Variants in ZC3H12B observed in about 807,000 individuals in gnomAD.
ZC3H12B encodes probable ribonuclease ZC3H12B.
A neutral mutation model predicts 43.9 loss-of-function variants in ZC3H12B; 7 were observed. The observed-to-expected ratio is 0.16, with a 90% confidence interval of 0.09 to 0.30. The LOEUF (loss-of-function observed/expected upper bound fraction) is 0.30, where lower values mean the gene tolerates loss of function less well. Ranked by LOEUF, ZC3H12B falls within the 10% of genes least tolerant of loss-of-function variation. ZC3H12B has a pLI of 1.00. For missense variants in ZC3H12B, 475 were observed against 670.2 expected (o/e 0.71, Z 3.22); for synonymous variants, 222 against 241.7 (o/e 0.92, Z 0.76).
At chrX:65,424,906 C>A (rs954294844) in intron 3 of ZC3H12B, among the ~76,000 whole-genome samples, 2 of 111,320 alleles carry the variant, frequency 1.8e-5, no homozygotes, top group Non-Finnish European at 3.8e-5. Context: ...TGTGATGACC[C>A]CAGCTTTGTT....
the ZC3H12B span, among the ~76,000 whole-genome samples, chrX:65,251,372 G>T: frequency 9.0e-6 from 1 of 111,611 alleles, no homozygotes; most frequent in South Asian, 3.7e-4. Flanking sequence ...CAGGTAGCGT[G>T]ATGCCTCCAG....
chrX:65,368,699 T>G (rs951791343), intron 1 of ZC3H12B, 130 bp from the exon 4 acceptor site: 1 of 112,102 alleles, frequency 8.9e-6, no homozygotes, highest in Non-Finnish European at 1.9e-5. Flanking sequence ...TCTCAGCCTT[T>G]GAGATCCAAA....
the ZC3H12B span, among the ~76,000 whole-genome samples, chrX:65,351,261 C>A: frequency 5.4e-5 from 6 of 111,672 alleles, no homozygotes; most frequent in African/African-American, 2.0e-4. Flanking sequence ...GGAAAACTGG[C>A]TAGCCATATG....
At chrX:65,193,387 T>C in the ZC3H12B span, among the ~76,000 whole-genome samples, 1 of 111,795 alleles carries the variant, frequency 8.9e-6, no homozygotes, top group Admixed American at 9.5e-5. Context: ...TGTCTAGGAA[T>C]TTATCCCTTG....
chrX:65,232,354 G>A, the ZC3H12B span, among the ~76,000 whole-genome samples: 2 of 111,690 alleles, frequency 1.8e-5, no homozygotes, highest in Non-Finnish European at 3.8e-5. Context: ...CTTCTGCCAT[G>A]GCTTCAGCTG....
the ZC3H12B span, among the ~76,000 whole-genome samples, chrX:65,062,859 T>TACA: frequency 2.7e-5 from 3 of 112,044 alleles, no homozygotes; most frequent in Non-Finnish European, 5.6e-5. Context: ...GTAGTTCTCC[T>TACA]TGAAGAAGTC....
At chrX:65,331,165 G>T in the ZC3H12B span, 1 of 230,598 alleles carries the variant, frequency 4.3e-6, no homozygotes, top group Non-Finnish European at 8.5e-6. Flanking sequence ...CATAAAAAAG[G>T]GGTCCAAGAG....
the ZC3H12B span, among the ~76,000 whole-genome samples, chrX:65,113,995 A>G: frequency 1.9e-3 from 56 of 29,162 alleles, 1 homozygote; most frequent in African/African-American, 0.011. Flanking sequence ...GTATATATAT[A>G]TATATATATA....
chrX:65,451,680 T>G (rs896383760), intron 3 of ZC3H12B, among the ~76,000 whole-genome samples: 1 of 111,745 alleles, frequency 8.9e-6, no homozygotes, highest in Non-Finnish European at 1.9e-5. Context: ...AGCTACCTCT[T>G]CTAGTCTTTA....
At chrX:65,101,185 A>T in the ZC3H12B span, among the ~76,000 whole-genome samples, 1 of 112,000 alleles carries the variant, frequency 8.9e-6, no homozygotes, top group South Asian at 3.7e-4. Flanking sequence ...TAAAGATGTT[A>T]TTTGAAGCCA....
At chrX:65,186,523 C>T in the ZC3H12B span, 1 of 105,320 alleles carries the variant, frequency 9.5e-6, no homozygotes, top group East Asian at 3.0e-4. Flanking sequence ...AGGAAAATAG[C>T]TTATATTTCT....
At chrX:65,155,868 A>C in the ZC3H12B span, among the ~76,000 whole-genome samples, 1 of 110,392 alleles carries the variant, frequency 9.1e-6, no homozygotes, top group Non-Finnish European at 1.9e-5. Context: ...AAAAAAAAAA[A>C]AGTTGGAAAT....
intron 2 of ZC3H12B, among the ~76,000 whole-genome samples, chrX:65,394,295 G>T (rs2066666384): frequency 8.9e-6 from 1 of 111,908 alleles, no homozygotes; most frequent in African/African-American, 3.2e-5. Flanking sequence ...GTCTTGAATG[G>T]TATTGCCTAG....
At chrX:65,460,410 A>C (rs1483494082) in intron 3 of ZC3H12B, among the ~76,000 whole-genome samples, 3 of 112,195 alleles carry the variant, frequency 2.7e-5, no homozygotes, top group African/African-American at 9.7e-5. Context: ...AGTGAATCCT[A>C]AACCAAAAGA....
the ZC3H12B span, among the ~76,000 whole-genome samples, chrX:65,140,721 A>AT: frequency 8.9e-6 from 1 of 111,749 alleles, no homozygotes. Context: ...TGATTGGATA[A>AT]TTTTTATTAG....
At chrX:65,357,151 G>A in the ZC3H12B span, 1 of 464,682 alleles carries the variant, frequency 2.2e-6, no homozygotes, top group Admixed American at 2.8e-5. Flanking sequence ...CTGTCCTGAG[G>A]AGGCCATTTC....
At chrX:65,404,646 G>A (rs895421444) in intron 3 of ZC3H12B, among the ~76,000 whole-genome samples, 1 of 111,503 alleles carries the variant, frequency 9.0e-6, no homozygotes, top group South Asian at 3.7e-4. Context: ...AATTCAGTAA[G>A]AGGATATATC....
chrX:65,069,571 C>T, the ZC3H12B span, among the ~76,000 whole-genome samples: 1 of 111,310 alleles, frequency 9.0e-6, no homozygotes, highest in African/African-American at 3.3e-5. Context: ...CTTTGAGTTT[C>T]CTCAAGGCCC....
the ZC3H12B span, among the ~76,000 whole-genome samples, chrX:65,087,266 A>ACC: frequency 1.8e-5 from 2 of 111,185 alleles, no homozygotes; most frequent in South Asian, 7.7e-4. Flanking sequence ...ACACAGGCAC[A>ACC]CCCTCTACCG....
Sources: gnomAD v4.1 joint callset for allele counts (sites outside exome capture counted in the v4.1 genomes callset) on GRCh38, gnomAD v4.1.1 for gene constraint, MANE v1.5 for transcripts, NCBI Gene and HGNC (gene_info 2026-07-23, HGNC 2026-07-21) for gene names.